Variants in FANCC observed in about 807,000 individuals in gnomAD.
FANCC encodes Fanconi anemia group C protein.
A neutral mutation model predicts 71.3 loss-of-function variants in FANCC; 55 were observed. That is an observed-to-expected ratio of 0.77 (90% confidence interval 0.62 to 0.97). The LOEUF (loss-of-function observed/expected upper bound fraction) is 0.97, where lower values mean the gene tolerates loss of function less well. Among genes scored for constraint, FANCC ranks in the 50% least tolerant of loss-of-function variants. The pLI is 0.00. For synonymous variants in FANCC, 275 were observed against 244.9 expected, an observed-to-expected ratio of 1.12 and a Z score of -1.15; for missense variants, 678 against 670.9, an observed-to-expected ratio of 1.01 and a Z score of -0.12.
Position 95,183,132 on chromosome 9 carries a change from C to A in FANCC, c.346-10985G>T, listed in dbSNP as rs532017914. Among the ~76,000 whole-genome samples the A allele has an allele frequency of 7.2e-5, 11 of 152,302 alleles. No individual in the cohort carries two copies. In the South Asian group the frequency reaches 2.3e-3, roughly 32 times the overall value. ...TTCCTTCTTCTGAGAAACCCAACAA[C>A]CTCCCCGCCCCCATCTCTAGCTGCC... On this transcript the variant is annotated intron_variant, in intron 4 of 14. Transcript: ENST00000289081.
intron 4 of FANCC, among the ~76,000 whole-genome samples, chr9:95,214,977 T>C (rs561321432): frequency 1.3e-5 from 2 of 152,248 alleles, no homozygotes; most frequent in South Asian, 4.2e-4. Flanking sequence ...TAAAAATGGT[T>C]AAGATAATAA....
chr9:95,138,091 A>C (rs1827993605), intron 7 of FANCC, among the ~76,000 whole-genome samples: 2 of 152,250 alleles, frequency 1.3e-5, no homozygotes, highest in Non-Finnish European at 2.9e-5. Context: ...TTTCGCTTGC[A>C]CTTGAATCCT....
At chr9:95,282,371 T>C (rs901883956) in intron 1 of FANCC, among the ~76,000 whole-genome samples, 1 of 152,148 alleles carries the variant, frequency 6.6e-6, no homozygotes, top group African/African-American at 2.4e-5. Context: ...ATGTTACATA[T>C]TTAGGTGCTC....
intron 1 of FANCC, among the ~76,000 whole-genome samples, chr9:95,312,355 CT>C (rs1835457424): frequency 6.6e-6 from 1 of 152,142 alleles, no homozygotes; most frequent in African/African-American, 2.4e-5. Flanking sequence ...TAAATAATTA[CT>C]GTTGTTGTTG....
chr9:95,287,357 C>T (rs4647388), intron 1 of FANCC, among the ~76,000 whole-genome samples: 2,047 of 152,276 alleles, frequency 0.013, 55 homozygotes, highest in African/African-American at 0.046. Context: ...GAGGAACTAT[C>T]ATTTTTTCTA....
At chr9:95,155,932 C>A (rs1019456655) in intron 6 of FANCC, among the ~76,000 whole-genome samples, 1 of 146,614 alleles carries the variant, frequency 6.8e-6, no homozygotes, top group Non-Finnish European at 1.5e-5. Context: ...CTCCATGTTG[C>A]CCAGGCTGGT....
chr9:95,194,090 T>C (rs908643767), intron 4 of FANCC, among the ~76,000 whole-genome samples: 2 of 152,100 alleles, frequency 1.3e-5, no homozygotes, highest in Non-Finnish European at 2.9e-5. Context: ...TTAAATTCCA[T>C]TGGTAATTCT....
At chr9:95,316,238 C>G (rs1181803695) in intron 1 of FANCC, among the ~76,000 whole-genome samples, 1 of 152,178 alleles carries the variant, frequency 6.6e-6, no homozygotes, top group Admixed American at 6.5e-5. Flanking sequence ...TTTTTCGATG[C>G]AGCCTTTCTT....
At chr9:95,200,430 T>G (rs1402725553) in intron 4 of FANCC, among the ~76,000 whole-genome samples, 1 of 152,232 alleles carries the variant, frequency 6.6e-6, no homozygotes, top group African/African-American at 2.4e-5. Context: ...TAAGTGTGTG[T>G]TATAAACAAT....
rs370207054 is a variant in FANCC at position 95,131,584 on chromosome 9, C to T, written c.843+3762G>A. ...AACTCCAGTCCAAGATGCAGAACCTCCCAGCTTTTAGCCATACACATCAGC... is the reference window on the plus strand; with the variant it reads ...AACTCCAGTCCAAGATGCAGAACCTTCCAGCTTTTAGCCATACACATCAGC... On this transcript the variant is annotated intron_variant, in intron 8 of 14. Transcript: ENST00000289081. Among the ~76,000 whole-genome samples the T allele has an allele frequency of 8.3e-4, 127 of 152,270 alleles. 1 individual carries two copies. In the South Asian group the frequency reaches 0.026, roughly 31 times the overall value.
intron 4 of FANCC, among the ~76,000 whole-genome samples, chr9:95,214,828 T>C (rs1218434787): frequency 6.6e-6 from 1 of 152,094 alleles, no homozygotes; most frequent in Non-Finnish European, 1.5e-5. Context: ...GAATGTAGAA[T>C]GGTGGTGCCG....
At chr9:95,177,481 TTC>T (rs1826084703) in intron 4 of FANCC, among the ~76,000 whole-genome samples, 1 of 152,172 alleles carries the variant, frequency 6.6e-6, no homozygotes, top group Non-Finnish European at 1.5e-5. Flanking sequence ...AAAAACTTGT[TTC>T]TTTCTTCAGC....
intron 1 of FANCC, among the ~76,000 whole-genome samples, chr9:95,304,638 T>C (rs986506607): frequency 6.7e-6 from 1 of 148,196 alleles, no homozygotes; most frequent in African/African-American, 2.5e-5. Context: ...TAATCCCAGC[T>C]ACTTTGGAGG....
chr9:95,141,858 G>A (rs1056021882), intron 7 of FANCC, among the ~76,000 whole-genome samples: 2 of 152,006 alleles, frequency 1.3e-5, no homozygotes, highest in African/African-American at 4.8e-5. Context: ...GCTTACATCT[G>A]GTTTTAGTTC....
chr9:95,121,942 C>T (rs1282707721), intron 10 of FANCC, among the ~76,000 whole-genome samples: 1 of 151,358 alleles, frequency 6.6e-6, no homozygotes, highest in Non-Finnish European at 1.5e-5. Context: ...ACTGCAAGCT[C>T]CGCCTCCCGG....
intron 13 of FANCC, chr9:95,110,145 A>C (rs2071791290): frequency 1.6e-6 from 1 of 635,756 alleles, no homozygotes; most frequent in Non-Finnish European, 2.0e-6. Flanking sequence ...CTGAGGGAGA[A>C]CTACGCAAGG....
intron 13 of FANCC, chr9:95,111,231 CAGG>C (rs1230091612): frequency 2.0e-6 from 3 of 1,537,182 alleles, no homozygotes; most frequent in African/African-American, 1.4e-5. Flanking sequence ...CTTCGTTTTG[CAGG>C]AGAATGGGCT....
chr9:95,119,365 C>CT (rs34433881), intron 10 of FANCC, among the ~76,000 whole-genome samples: 43 of 141,300 alleles, frequency 3.0e-4, no homozygotes, highest in Admixed American at 9.9e-4. Flanking sequence ...TCTTCCTTTT[C>CT]TTTTTTTTTT....
chr9:95,172,956 A>T (rs1335992164), intron 4 of FANCC, among the ~76,000 whole-genome samples: 1 of 152,240 alleles, frequency 6.6e-6, no homozygotes, highest in Non-Finnish European at 1.5e-5. Flanking sequence ...AAGAATGTTA[A>T]CAACAAACAG....
Sources: allele counts gnomAD v4.1 joint callset (sites outside exome capture counted in the v4.1 genomes callset), GRCh38; gene constraint gnomAD v4.1.1; transcripts MANE v1.5; gene names NCBI Gene and HGNC (gene_info 2026-07-23, HGNC 2026-07-21).